Variants in PEMT observed in about 807,000 individuals in gnomAD.
PEMT encodes phospholipid methyltransferase.
PEMT carries 23 observed loss-of-function variants against 27.4 expected under a neutral mutation model. That is an observed-to-expected ratio of 0.84 (90% CI 0.60 to 1.19). PEMT has a LOEUF of 1.19. Among genes scored for constraint, PEMT ranks in the 50% most tolerant of loss-of-function variants. The pLI, the probability that PEMT is intolerant of heterozygous loss-of-function variation, is 0.00. For synonymous variants in PEMT, 137 were observed against 139.1 expected, an observed-to-expected ratio of 0.98 and a Z score of 0.11; for missense variants, 307 against 310.1, an observed-to-expected ratio of 0.99 and a Z score of 0.07.
intron 2 of PEMT, among the ~76,000 whole-genome samples, chr17:17,540,414 C>T (rs1908799320): frequency 6.6e-6 from 1 of 152,178 alleles, no homozygotes; most frequent in Admixed American, 6.5e-5. Context: ...GGGAGGGTGG[C>T]CAGCCAGCAT....
chr17:17,524,323 G>C (rs1030971039), intron 2 of PEMT, among the ~76,000 whole-genome samples: 1 of 152,192 alleles, frequency 6.6e-6, no homozygotes, highest in African/African-American at 2.4e-5. Flanking sequence ...TGGGTCACAT[G>C]GTAAATCTAT....
At chr17:17,576,870 A>C (rs754943388) in intron 2 of PEMT, 50 bp downstream of exon 2, 2 of 1,452,502 alleles carry the variant, frequency 1.4e-6, no homozygotes, top group Non-Finnish European at 1.9e-6. Flanking sequence ...TGTGGGGCTC[A>C]CCAAGCAGTG....
At chr17:17,528,269 A>ACCCCTCTGCCTGCCTGACCCACCCCT (rs1907839361) in intron 2 of PEMT, among the ~76,000 whole-genome samples, 2 of 152,050 alleles carry the variant, frequency 1.3e-5, no homozygotes, top group Non-Finnish European at 2.9e-5. Context: ...TGCCTGCCTG[A>ACCCCTCTGCCTGCCTGACCCACCCCT]CTGGCCCCCT....
chr17:17,577,167 T>C (rs1911658713), intron 1 of PEMT, 140 bp from the exon 2 acceptor site: 1 of 658,834 alleles, frequency 1.5e-6, no homozygotes, highest in Non-Finnish European at 2.7e-6. Flanking sequence ...TACTACAGTG[T>C]AGTCTCATAA....
chr17:17,553,591 C>T (rs1007589820), intron 2 of PEMT, among the ~76,000 whole-genome samples: 4 of 152,216 alleles, frequency 2.6e-5, no homozygotes, highest in East Asian at 1.9e-4. Flanking sequence ...CACAAGCCCA[C>T]GATGGGCCCG....
At chr17:17,560,042 G>A (rs1008814616) in intron 2 of PEMT, among the ~76,000 whole-genome samples, 3 of 152,202 alleles carry the variant, frequency 2.0e-5, no homozygotes, top group Non-Finnish European at 4.4e-5. Flanking sequence ...CAGTCACAGC[G>A]AAGCCACGGC....
chr17:17,546,404 G>A (rs1909264823), intron 2 of PEMT, among the ~76,000 whole-genome samples: 1 of 152,268 alleles, frequency 6.6e-6, no homozygotes, highest in Non-Finnish European at 1.5e-5. Context: ...CCTCCCAGGA[G>A]CAGCAGGGCT....
chr17:17,577,985 C>G (rs1378162597), intron 1 of PEMT, among the ~76,000 whole-genome samples: 1 of 147,308 alleles, frequency 6.8e-6, no homozygotes, highest in Non-Finnish European at 1.5e-5. Flanking sequence ...CCACTGCACT[C>G]CAGCCTGGGC....
intron 5 of PEMT, chr17:17,508,054 G>C (rs568825860): frequency 3.9e-5 from 6 of 152,740 alleles, no homozygotes; most frequent in African/African-American, 1.4e-4. Context: ...AACACTTGAC[G>C]TTGGGTTTGG....
chr17:17,549,563 A>G (rs1311851648), intron 2 of PEMT, among the ~76,000 whole-genome samples: 2 of 152,092 alleles, frequency 1.3e-5, no homozygotes, highest in Non-Finnish European at 2.9e-5. Flanking sequence ...GCCTCACTCA[A>G]CCTCACAAAA....
In PEMT at chr17:17,512,523, G is replaced by T; in HGVS notation, c.452C>A (p.Ala151Asp). Residue 151 changes from alanine (A) to aspartate (D), a missense_variant, in exon 4 of 7, where the codon GCT becomes GAT. Physicochemically the swap from Ala to Asp is moderately radical, Grantham distance 126. Coordinates refer to ENST00000255389, the MANE Select transcript of PEMT (RefSeq NM_148172.3). This position sits in a 1 kb window ranked among gnomAD's most constrained non-coding sequence, Gnocchi z 6.3. ...CAGGGTCTTACCTAGGAAAGTTCCAGCGAACCCCAGTGCAAAGAAGCTGGA... is the reference window on the plus strand; with the variant it reads ...CAGGGTCTTACCTAGGAAAGTTCCATCGAACCCCAGTGCAAAGAAGCTGGA... ...VLSSFFALGF[A>D]GTFLGDYFGI... 3.1e-6 allele frequency: 5 copies of T among 1,601,844 alleles called. No individual in the cohort carries two copies. The highest frequency in any genetic ancestry group is 4.3e-6 in the Non-Finnish European group (5 of 1,173,444).
At chr17:17,521,976 G>A (rs1907300563) in intron 3 of PEMT, among the ~76,000 whole-genome samples, 1 of 152,198 alleles carries the variant, frequency 6.6e-6, no homozygotes. Context: ...GCTTCCTGGA[G>A]GAGACTCCTA....
chr17:17,564,654 C>T (rs4646364), intron 2 of PEMT, among the ~76,000 whole-genome samples: 10,023 of 152,238 alleles, frequency 0.066, 854 homozygotes, highest in African/African-American at 0.19. Context: ...GAGCAGCCCG[C>T]TCCATCTGGG....
At chr17:17,559,462 C>T (rs1012507264) in intron 2 of PEMT, among the ~76,000 whole-genome samples, 8 of 152,152 alleles carry the variant, frequency 5.3e-5, no homozygotes, top group Non-Finnish European at 1.0e-4. Context: ...GAAGGGAACC[C>T]GCTGTGAAGG....
At chr17:17,507,212 A>AGGAG (rs749165530) in intron 5 of PEMT, 8 of 1,550,358 alleles carry the variant, frequency 5.2e-6, no homozygotes, top group Middle Eastern at 1.7e-4. Context: ...GCTGCCAGGG[A>AGGAG]GGAGGGAGGG....
At chr17:17,558,304 C>T (rs986957398) in intron 2 of PEMT, among the ~76,000 whole-genome samples, 4 of 151,854 alleles carry the variant, frequency 2.6e-5, no homozygotes, top group Admixed American at 6.5e-5. Context: ...GTCAAGAGTT[C>T]GAAACCAGCC....
chr17:17,570,680 C>A, intron 2 of PEMT: 1 of 985,362 alleles, frequency 1.0e-6, no homozygotes, highest in Non-Finnish European at 1.2e-6. Context: ...AGGACGCCTG[C>A]CAGAAGGGCC....
At chr17:17,515,938 T>TGG (rs1258325694) in intron 3 of PEMT, among the ~76,000 whole-genome samples, 1 of 152,174 alleles carries the variant, frequency 6.6e-6, no homozygotes, top group Non-Finnish European at 1.5e-5. Flanking sequence ...CCGGAAACCC[T>TGG]GGGGTGGAGG....
Position 17,580,950 on chromosome 17 carries a change from C to A in PEMT, c.97-3923G>T, listed in dbSNP as rs536902536. On this transcript the variant is annotated intron_variant, in intron 1 of 6. Coordinates refer to ENST00000255389, the MANE Select transcript of PEMT (RefSeq NM_148172.3). ...ACCTATGGACCAGCATGCTGTTAGC[C>A]AAGCCAAAGAGGAGAAAGGGCAGAG... is the stretch of plus-strand genomic sequence containing the variant. 3.3e-5 allele frequency among the ~76,000 whole-genome samples: 5 copies of A among 152,286 alleles called. No homozygotes were observed. The East Asian group carries it at 7.7e-4, about 23-fold the overall frequency.
Sources: allele counts gnomAD v4.1 joint callset (sites outside exome capture counted in the v4.1 genomes callset), GRCh38; gene constraint gnomAD v4.1.1; non-coding constraint Gnocchi (gnomAD v3.1); transcripts MANE v1.5; gene names NCBI Gene and HGNC (gene_info 2026-07-23, HGNC 2026-07-21).